VPS54: variants seen among roughly 807,000 people sequenced by gnomAD.
VPS54 encodes the protein vacuolar protein sorting-associated protein 54.
VPS54 carries 45 observed loss-of-function variants against 121.5 expected under a neutral mutation model. The ratio of observed to expected loss-of-function variants is 0.37; its 90% CI spans 0.29 to 0.47. The LOEUF is 0.47. VPS54 is among the 20% of genes least tolerant of loss of function. The pLI, the probability that VPS54 is intolerant of heterozygous loss-of-function variation, is 0.99. For missense variants in VPS54, 1,090 were observed against 1,131.4 expected, an observed-to-expected ratio of 0.96 and a Z score of 0.52; for synonymous variants, 371 against 385.8, an observed-to-expected ratio of 0.96 and a Z score of 0.45.
At chr2:63,996,291 T>A (rs1383485919) in intron 1 of VPS54, among the ~76,000 whole-genome samples, 2 of 152,208 alleles carry the variant, frequency 1.3e-5, no homozygotes, top group Admixed American at 6.5e-5. Flanking sequence ...ACATAAATTG[T>A]GAACATTTCA....
chr2:63,989,653 G>C (rs1359657716), intron 1 of VPS54, among the ~76,000 whole-genome samples: 1 of 152,168 alleles, frequency 6.6e-6, no homozygotes, highest in Non-Finnish European at 1.5e-5. Flanking sequence ...AGAAATGCTT[G>C]TTCGACTCCC....
intron 12 of VPS54, among the ~76,000 whole-genome samples, chr2:63,923,693 A>G (rs1277982685): frequency 6.6e-6 from 1 of 152,112 alleles, no homozygotes; most frequent in Non-Finnish European, 1.5e-5. Flanking sequence ...CAACTCTAAT[A>G]TTTTCCATTG....
chr2:63,976,823 C>CTTTTTTTTTTTT (rs1481086180), intron 3 of VPS54, among the ~76,000 whole-genome samples: 2 of 68,040 alleles, frequency 2.9e-5, no homozygotes, highest in African/African-American at 6.1e-5. Context: ...CTTATATCTT[C>CTTTTTTTTTTTT]TCTTTTTTTT....
At chr2:64,018,828 G>T (rs1469306095) in intron 1 of VPS54, 110 bp downstream of exon 1, 1 of 148,586 alleles carries the variant, frequency 6.7e-6, no homozygotes, top group Non-Finnish European at 1.5e-5. Context: ...AACTCGGTCC[G>T]TTTGGGGCTG....
chr2:63,959,661 T>C (rs1675661741), intron 7 of VPS54, among the ~76,000 whole-genome samples: 1 of 151,968 alleles, frequency 6.6e-6, no homozygotes, highest in African/African-American at 2.4e-5. Context: ...CCGAGGAAGG[T>C]AGATGGCGTG....
At chr2:63,966,334 A>C (rs888622072) in intron 5 of VPS54, among the ~76,000 whole-genome samples, 3 of 152,194 alleles carry the variant, frequency 2.0e-5, no homozygotes, top group Non-Finnish European at 4.4e-5. Context: ...GCCAAATATC[A>C]ATTTCTCTAA....
chr2:64,002,209 T>C (rs955081656), intron 1 of VPS54, among the ~76,000 whole-genome samples: 2 of 152,154 alleles, frequency 1.3e-5, no homozygotes, highest in Admixed American at 1.3e-4. Context: ...AGTCGCTGCA[T>C]GGGGGATGGG....
rs754223132 is a variant in VPS54, at chr2:63,933,758, C to T, written c.1654G>A (p.Val552Ile). ...PNSEPCSSDSVSEPECTTDSS... is the reference protein window; with the variant it reads ...PNSEPCSSDSISEPECTTDSS... ...TCAGTAGTACATTCTGGCTCGGATACAGAATCACTGCTGCAGGGCTCACTA... is the reference window on the plus strand; with the variant it reads ...TCAGTAGTACATTCTGGCTCGGATATAGAATCACTGCTGCAGGGCTCACTA... Residue 552 changes from valine (V) to isoleucine (I), a missense_variant, in exon 12 of 23, where the codon GTA becomes ATA. Coordinates refer to ENST00000272322, the MANE Select transcript of VPS54 (RefSeq NM_016516.3). 1.2e-6 allele frequency: 2 copies of T among 1,613,866 alleles called. No individual in the cohort carries two copies. The highest frequency in any genetic ancestry group is 1.1e-5 in the South Asian group (1 of 91,080).
intron 3 of VPS54, among the ~76,000 whole-genome samples, chr2:63,973,106 G>A (rs1452079760): frequency 6.6e-6 from 1 of 152,134 alleles, no homozygotes; most frequent in African/African-American, 2.4e-5. Context: ...GTTACTACAG[G>A]ACTGTTTTCC....
chr2:63,975,798 T>G (rs982679625), intron 3 of VPS54, among the ~76,000 whole-genome samples: 1 of 152,230 alleles, frequency 6.6e-6, no homozygotes, highest in African/African-American at 2.4e-5. Context: ...TTATTCATTC[T>G]CTATTGAAAT....
rs1672254537 is a variant in VPS54, at chr2:63,892,331, T to C, written c.*1099A>G. 1 of 152,126 alleles carries C rather than the reference T, an allele frequency of 6.6e-6. No homozygotes were observed. The highest frequency in any genetic ancestry group is 1.5e-5 in the Non-Finnish European group (1 of 68,016). The allele number at this position is 152,126 out of a possible 1,614,324, so 9.4% of individuals were successfully genotyped here. ...CTCTGACAGGGTTAGGCAAGATTCT[T>C]GGTGTGAGGTGAAGCACAGGCACTT... On this transcript the variant is annotated 3_prime_UTR_variant, in exon 23 of 23. Coordinates refer to ENST00000272322, the MANE Select transcript of VPS54 (RefSeq NM_016516.3).
rs766874184 is a variant in VPS54, at chr2:63,962,065, T to G, written c.1003A>C (p.Ser335Arg). The change falls in exon 7 of 23, where the codon AGT becomes CGT. Residue 335 changes from serine (S) to arginine (R), a missense_variant. Ser to Arg is a moderately radical substitution (Grantham distance 110, BLOSUM62 -1). Coordinates refer to ENST00000272322, the MANE Select transcript of VPS54 (RefSeq NM_016516.3). Reference sequence around the variant, plus strand: ...CTTACTTAATGAACATACCGGAAACTGTGAATGCCCTGAAGTTCCTGCTGT... The same window carrying G: ...CTTACTTAATGAACATACCGGAAACGGTGAATGCCCTGAAGTTCCTGCTGT... The part of the protein sequence containing the change: ...VLQQELQGIH[S>R]FRHLGSQLCE... 1.9e-6 allele frequency: 3 copies of G among 1,561,854 alleles called. No individual in the cohort carries two copies.
chr2:63,982,725 G>A (rs78519161), intron 2 of VPS54, among the ~76,000 whole-genome samples: 4,991 of 152,206 alleles, frequency 0.033, 205 homozygotes, highest in African/African-American at 0.099. Flanking sequence ...TTAGCACTGC[G>A]CTTAGGGGCA....
intron 11 of VPS54, among the ~76,000 whole-genome samples, chr2:63,935,651 A>C (rs1023874183): frequency 6.6e-6 from 1 of 152,182 alleles, no homozygotes; most frequent in African/African-American, 2.4e-5. Context: ...TCCAGCTTCA[A>C]GTATCAGTTC....
intron 21 of VPS54, among the ~76,000 whole-genome samples, chr2:63,898,240 A>T (rs905094339): frequency 6.6e-6 from 1 of 152,178 alleles, no homozygotes; most frequent in African/African-American, 2.4e-5. Flanking sequence ...CAGCTCCCTG[A>T]CCTGGGTAAG....
chr2:63,904,037 C>A (rs908481502), intron 20 of VPS54, among the ~76,000 whole-genome samples: 2 of 151,900 alleles, frequency 1.3e-5, no homozygotes, highest in Admixed American at 1.3e-4. Flanking sequence ...GTTAAAAACA[C>A]AAGGATAGTA....
chr2:63,929,779 TAAGAAGAGA>T (rs1674097629), intron 12 of VPS54, among the ~76,000 whole-genome samples: 1 of 148,508 alleles, frequency 6.7e-6, no homozygotes, highest in African/African-American at 2.5e-5. Context: ...GCAAGACTAA[TAAGAAGAGA>T]AAGAAAAATC....
chr2:63,962,054 A>T lies in VPS54; in HGVS notation c.1010+4T>A. On this transcript the variant is annotated splice_donor_region_variant and intron_variant, in intron 7 of 22. Transcript: ENST00000272322. ...ATTTCTAGTGGCTTACTTAATGAAC[A>T]TACCGGAAACTGTGAATGCCCTGAA... 6.5e-7 allele frequency: 1 copy of T among 1,545,560 alleles called. No homozygotes were observed. Among genetic ancestry groups the T allele is most frequent in the African/African-American group, 1.4e-5 (1 of 72,820 alleles).
At chr2:64,012,801 G>A (rs547089255) in intron 1 of VPS54, among the ~76,000 whole-genome samples, 5 of 151,782 alleles carry the variant, frequency 3.3e-5, no homozygotes, top group East Asian at 3.9e-4. Flanking sequence ...GCAAACCTCC[G>A]TTCTCTTTTT....
Sources: gnomAD v4.1 joint callset for allele counts (sites outside exome capture counted in the v4.1 genomes callset) on GRCh38, gnomAD v4.1.1 for gene constraint, MANE v1.5 for transcripts, NCBI Gene and HGNC (gene_info 2026-07-23, HGNC 2026-07-21) for gene names.